Variants in EPB41L3 observed in about 807,000 individuals in gnomAD.
The protein encoded by EPB41L3 is band 4.1-like protein 3.
Under a neutral mutation model 127.1 loss-of-function variants are expected in EPB41L3, and 57 were observed. The ratio of observed to expected loss-of-function variants is 0.45; its 90% CI spans 0.36 to 0.56. The LOEUF (loss-of-function observed/expected upper bound fraction) is 0.56, where lower values mean the gene tolerates loss of function less well. Among genes scored for constraint, EPB41L3 ranks in the 20% least tolerant of loss-of-function variants. The pLI, the probability that EPB41L3 is intolerant of heterozygous loss-of-function variation, is 0.00. For synonymous variants in EPB41L3, 572 were observed against 549.5 expected, an observed-to-expected ratio of 1.04 and a Z score of -0.57; for missense variants, 1,273 against 1,372.2, an observed-to-expected ratio of 0.93 and a Z score of 1.14.
intron 3 of EPB41L3, among the ~76,000 whole-genome samples, chr18:5,561,170 G>A (rs969755472): frequency 6.6e-6 from 1 of 151,618 alleles, no homozygotes; most frequent in African/African-American, 2.4e-5. Context: ...GTAGAGACGG[G>A]GTTTCACCGT....
chr18:5,512,117 C>T (rs1392059925), intron 1 of EPB41L3, among the ~76,000 whole-genome samples: 1 of 152,134 alleles, frequency 6.6e-6, no homozygotes, highest in East Asian at 1.9e-4. Flanking sequence ...CTGTAATGAA[C>T]ACAGCACAGT....
At chr18:5,612,302 T>G (rs867778333) in intron 3 of EPB41L3, 3 of 152,224 alleles carry the variant, frequency 2.0e-5, no homozygotes, top group Non-Finnish European at 4.4e-5. Context: ...AGTAGTTGCC[T>G]AAAAGACACT....
intron 3 of EPB41L3, among the ~76,000 whole-genome samples, chr18:5,468,656 G>C (rs2085461499): frequency 6.6e-6 from 1 of 152,176 alleles, no homozygotes; most frequent in African/African-American, 2.4e-5. Flanking sequence ...GGGATAACCT[G>C]CCTGTGAAAA....
In EPB41L3 at chr18:5,543,894, CGA is replaced by C. The variant is rs1185864973; in HGVS notation, c.-12+17_-12+18del. ...GAGACCCCCTCGCAGTCCCCCACTC[CGA>C]GAGGCGGAAAAGTTACCTGGGATCA... On this transcript the variant is annotated intron_variant, in intron 1 of 22. Coordinates refer to ENST00000341928, the MANE Select transcript of EPB41L3 (RefSeq NM_012307.5). The surrounding 1 kb of genome is among the most constrained non-coding windows in gnomAD (Gnocchi z 5.2). The C allele has an allele frequency of 1.2e-5, 12 of 984,830 alleles. No homozygotes were observed. The highest frequency in any genetic ancestry group is 1.4e-5 in the Non-Finnish European group (12 of 829,916). 61.0% of individuals were successfully genotyped at this position (984,830 alleles called of 1,614,324 possible).
intron 3 of EPB41L3, among the ~76,000 whole-genome samples, chr18:5,455,932 A>G (rs1399105420): frequency 6.6e-6 from 1 of 152,064 alleles, no homozygotes; most frequent in Non-Finnish European, 1.5e-5. Flanking sequence ...ACACGTACTT[A>G]AACCTGAATC....
rs1172250703 is a variant in EPB41L3, at chr18:5,618,476, C to T, written c.-467-4053G>A. Among the ~76,000 whole-genome samples, 7 of 152,326 alleles carry T rather than the reference C, an allele frequency of 4.6e-5. No individual in the cohort carries two copies. In the East Asian group the frequency reaches 5.8e-4, roughly 13 times the overall value. ...TAGCTTAGCGACATTGCTCAACCTA[C>T]GTCTAAAGAGCACACAGAACTGAGA... is the stretch of plus-strand genomic sequence containing the variant. On this transcript the variant is annotated intron_variant, in intron 1 of 21. Transcript: ENST00000545076.
At chr18:5,516,699 G>GT (rs1268880989) in intron 1 of EPB41L3, among the ~76,000 whole-genome samples, 3 of 152,178 alleles carry the variant, frequency 2.0e-5, no homozygotes, top group East Asian at 3.9e-4. Context: ...GACAGACTTG[G>GT]TTTTTTTAAC....
At chr18:5,541,084 C>CAAAAAAAA (rs147766745) in intron 1 of EPB41L3, among the ~76,000 whole-genome samples, 1 of 76,326 alleles carries the variant, frequency 1.3e-5, no homozygotes, top group African/African-American at 5.7e-5. Context: ...GACTCCGTCT[C>CAAAAAAAA]AAAAAAAAAA....
chr18:5,468,586 C>A (rs1211798570), intron 3 of EPB41L3, among the ~76,000 whole-genome samples: 1 of 152,182 alleles, frequency 6.6e-6, no homozygotes, highest in Non-Finnish European at 1.5e-5. Flanking sequence ...ACAGGATGAC[C>A]GGCCTGCAGA....
chr18:5,617,095 A>G (rs944622768), intron 1 of EPB41L3, among the ~76,000 whole-genome samples: 9 of 152,268 alleles, frequency 5.9e-5, no homozygotes, highest in Non-Finnish European at 1.2e-4. Context: ...GATGTATAAG[A>G]TTTGGTATTT....
At chr18:5,629,143 G>A (rs565324079), upstream of EPB41L3, among the ~76,000 whole-genome samples, 13 of 152,206 alleles carry the variant, frequency 8.5e-5, no homozygotes, top group Middle Eastern at 6.8e-3. Flanking sequence ...GCGCCTCCCG[G>A]ATTTTGAAAA....
chr18:5,560,967 A>G (rs1408404826), intron 3 of EPB41L3, among the ~76,000 whole-genome samples: 1 of 143,512 alleles, frequency 7.0e-6, no homozygotes, highest in East Asian at 2.0e-4. Flanking sequence ...TTATTTATTT[A>G]TTTATTTATT....
chr18:5,395,277 C>G (rs1400988164), intron 20 of EPB41L3, 130 bp from the exon 21 acceptor site: 1 of 824,930 alleles, frequency 1.2e-6, no homozygotes, highest in African/African-American at 1.7e-5. Flanking sequence ...TTCTATGGCA[C>G]TTATTTCACA....
Position 5,526,252 on chromosome 18 carries a change from A to G in EPB41L3, c.-12+17661T>C, listed in dbSNP as rs148108422. Among the ~76,000 whole-genome samples, 790 of 152,324 alleles carry G rather than the reference A, an allele frequency of 5.2e-3. 2 individuals are homozygous for G. The highest frequency in any genetic ancestry group is 0.014 in the Middle Eastern group (4 of 294). ...AATACAGATGGAGCCAAAGAGGAGA[A>G]GCGCCTGTATTTCTTGGTCAAACTT... On this transcript the variant is annotated intron_variant, in intron 1 of 22. Coordinates refer to ENST00000341928, the MANE Select transcript of EPB41L3 (RefSeq NM_012307.5).
intron 3 of EPB41L3, among the ~76,000 whole-genome samples, chr18:5,549,994 T>C (rs1368069863): frequency 6.6e-6 from 1 of 152,198 alleles, no homozygotes; most frequent in Non-Finnish European, 1.5e-5. Flanking sequence ...TAGCAGTAAG[T>C]ATAGTAATAA....
intron 3 of EPB41L3, among the ~76,000 whole-genome samples, chr18:5,463,404 T>C (rs1019232310): frequency 2.6e-5 from 4 of 152,136 alleles, no homozygotes; most frequent in African/African-American, 7.2e-5. Context: ...ATCCTACTCC[T>C]GTGATGAGGT....
intron 8 of EPB41L3, among the ~76,000 whole-genome samples, chr18:5,429,644 CA>C (rs755884862): frequency 2.1e-4 from 32 of 152,070 alleles, no homozygotes; most frequent in Non-Finnish European, 3.8e-4. Context: ...AGTTTGCCAA[CA>C]AAGCATAATT....
At chr18:5,609,194 A>G (rs575435145) in intron 3 of EPB41L3, among the ~76,000 whole-genome samples, 12 of 152,302 alleles carry the variant, frequency 7.9e-5, no homozygotes, top group African/African-American at 2.9e-4. Flanking sequence ...TAATCAAGAC[A>G]ATAATTTTCC....
chr18:5,618,097 G>A (rs1189772203), intron 1 of EPB41L3, among the ~76,000 whole-genome samples: 5 of 152,086 alleles, frequency 3.3e-5, no homozygotes, highest in East Asian at 1.9e-4. Context: ...TCTTCTCTCC[G>A]GGCAAATAAT....
Sources: gnomAD v4.1 joint callset for allele counts (sites outside exome capture counted in the v4.1 genomes callset) on GRCh38, gnomAD v4.1.1 for gene constraint, Gnocchi (gnomAD v3.1) non-coding constraint, MANE v1.5 for transcripts, NCBI Gene and HGNC (gene_info 2026-07-23, HGNC 2026-07-21) for gene names.